Variants in PIEZO2 observed in about 807,000 individuals in gnomAD.
The protein encoded by PIEZO2 is piezo type mechanosensitive ion channel component 2, also known as piezo-type mechanosensitive ion channel component 2.
PIEZO2 carries 172 observed loss-of-function variants against 337.3 expected under a neutral mutation model. That is an observed-to-expected ratio of 0.51 (90% confidence interval 0.45 to 0.58). The LOEUF is 0.58. Ranked by LOEUF, PIEZO2 falls within the 20% of genes least tolerant of loss-of-function variation. The pLI, the probability that PIEZO2 is intolerant of heterozygous loss-of-function variation, is 0.00. For missense variants in PIEZO2, 3,028 were observed against 3,391.3 expected, an observed-to-expected ratio of 0.89 and a Z score of 2.66; for synonymous variants, 1,251 against 1,228.5, an observed-to-expected ratio of 1.02 and a Z score of -0.38.
At chr18:10,922,370 CAG>C (rs894470117) in intron 3 of PIEZO2, among the ~76,000 whole-genome samples, 1 of 151,828 alleles carries the variant, frequency 6.6e-6, no homozygotes, top group African/African-American at 2.4e-5. Context: ...TTTAAAAAAA[CAG>C]AAAAAACGGA....
At position 10,677,603 on chromosome 18, in the gene PIEZO2, A is replaced by C; in HGVS notation, c.8081+144T>G. On this transcript the variant is annotated intron_variant, in intron 53 of 55. Coordinates refer to ENST00000674853, the MANE Select transcript of PIEZO2 (RefSeq NM_001378183.1). This position sits in a 1 kb window ranked among gnomAD's most constrained non-coding sequence, Gnocchi z 4.1. ...TGAGATTAAGTTTCTTTAATCTTGC[A>C]AAATGGGGCCTCCAAATAGAAATTA... The C allele has an allele frequency of 2.0e-6, 2 of 1,007,442 alleles. No homozygotes were observed. Among genetic ancestry groups the C allele is most frequent in the Non-Finnish European group, 2.9e-6 (2 of 688,234 alleles). 62.4% of individuals were successfully genotyped at this position (1,007,442 alleles called of 1,614,324 possible).
intron 2 of PIEZO2, among the ~76,000 whole-genome samples, chr18:11,057,292 T>C (rs1337835990): frequency 6.6e-6 from 1 of 152,214 alleles, no homozygotes; most frequent in Non-Finnish European, 1.5e-5. Context: ...CAATCCTTTC[T>C]GTTTAATGTT....
intron 26 of PIEZO2, among the ~76,000 whole-genome samples, chr18:10,758,592 C>T (rs2143832688): frequency 6.6e-6 from 1 of 152,278 alleles, no homozygotes; most frequent in South Asian, 2.1e-4. Flanking sequence ...AATACAAGTG[C>T]CCGCCACCAT....
intron 3 of PIEZO2, among the ~76,000 whole-genome samples, chr18:10,966,837 C>A (rs555537855): frequency 6.6e-6 from 1 of 152,036 alleles, no homozygotes. Flanking sequence ...TTTCTCATAG[C>A]TTAGCTCCCA....
At chr18:11,024,501 G>C (rs533409795) in intron 2 of PIEZO2, among the ~76,000 whole-genome samples, 1 of 144,256 alleles carries the variant, frequency 6.9e-6, no homozygotes, top group African/African-American at 2.6e-5. Context: ...AGCCGAGATC[G>C]CGCCACTGCA....
intron 2 of PIEZO2, among the ~76,000 whole-genome samples, chr18:10,983,014 C>T (rs1283962041): frequency 6.6e-6 from 1 of 152,118 alleles, no homozygotes; most frequent in African/African-American, 2.4e-5. Context: ...AGCCACCGTG[C>T]CTGGCCAAAA....
intron 5 of PIEZO2, among the ~76,000 whole-genome samples, chr18:10,865,283 A>G (rs533417017): frequency 1.3e-5 from 2 of 152,194 alleles, no homozygotes; most frequent in Non-Finnish European, 2.9e-5. Context: ...GAAGTGGCAT[A>G]ATTTAATTTT....
chr18:10,733,707 CA>C (rs2036883144), intron 35 of PIEZO2, among the ~76,000 whole-genome samples: 1 of 152,182 alleles, frequency 6.6e-6, no homozygotes, highest in Non-Finnish European at 1.5e-5. Flanking sequence ...CTCGGCCTCC[CA>C]AAGTGCTGGG....
intron 1 of PIEZO2, among the ~76,000 whole-genome samples, chr18:11,113,996 G>A (rs986806756): frequency 1.3e-5 from 2 of 152,234 alleles, no homozygotes; most frequent in Admixed American, 6.5e-5. Flanking sequence ...CTATGACAAC[G>A]TTGTTGATGA....
chr18:10,856,308 G>A lies in PIEZO2; in HGVS notation c.703+693C>T, dbSNP rs1488332287. Reference sequence around the variant, plus strand: ...TGAAAGGACTCCTCATTAAAATGTTGTGGTTTATTTCTTGAGAAATTCTAC... The same window carrying A: ...TGAAAGGACTCCTCATTAAAATGTTATGGTTTATTTCTTGAGAAATTCTAC... On this transcript the variant is annotated intron_variant, in intron 6 of 55. Coordinates refer to ENST00000674853, the MANE Select transcript of PIEZO2 (RefSeq NM_001378183.1). The surrounding 1 kb of genome is among the most constrained non-coding windows in gnomAD (Gnocchi z 4.7). Among the ~76,000 whole-genome samples, 1 of 152,134 alleles carries A rather than the reference G, an allele frequency of 6.6e-6. No individual in the cohort carries two copies. Among genetic ancestry groups the A allele is most frequent in the African/African-American group, 2.4e-5 (1 of 41,434 alleles).
At chr18:10,917,963 T>G (rs991382016) in intron 3 of PIEZO2, among the ~76,000 whole-genome samples, 2 of 152,194 alleles carry the variant, frequency 1.3e-5, no homozygotes, top group African/African-American at 4.8e-5. Flanking sequence ...TTACCATGCA[T>G]TGAACACTGA....
At chr18:11,106,744 G>T (rs1356231295) in intron 1 of PIEZO2, among the ~76,000 whole-genome samples, 1 of 152,112 alleles carries the variant, frequency 6.6e-6, no homozygotes, top group African/African-American at 2.4e-5. Flanking sequence ...GGCATACAGT[G>T]AATGCCTTCA....
intron 2 of PIEZO2, among the ~76,000 whole-genome samples, chr18:11,064,955 G>T (rs1051766712): frequency 1.1e-4 from 16 of 152,166 alleles, no homozygotes; most frequent in African/African-American, 3.9e-4. Flanking sequence ...GCTGTGGTGG[G>T]TGGGGTCTCA....
chr18:10,695,993 T>G, intron 47 of PIEZO2, 81 bp downstream of exon 47: 1 of 1,338,716 alleles, frequency 7.5e-7, no homozygotes, highest in Non-Finnish European at 1.1e-6. Flanking sequence ...GCAGTTCTGC[T>G]GTGCAATGCA....
At chr18:11,085,575 T>C (rs537021089) in intron 1 of PIEZO2, among the ~76,000 whole-genome samples, 1 of 152,118 alleles carries the variant, frequency 6.6e-6, no homozygotes, top group East Asian at 1.9e-4. Flanking sequence ...ACACAGGTTT[T>C]AGTGTTTGAT....
chr18:11,107,087 C>A (rs1353546097), intron 1 of PIEZO2, among the ~76,000 whole-genome samples: 2 of 152,174 alleles, frequency 1.3e-5, no homozygotes, highest in African/African-American at 2.4e-5. Flanking sequence ...ACTTTTCACA[C>A]CCTTTTTAGC....
intron 9 of PIEZO2, 64 bp from the exon 10 acceptor site, chr18:10,801,492 A>T: frequency 7.1e-7 from 1 of 1,405,566 alleles, no homozygotes; most frequent in South Asian, 1.2e-5. Flanking sequence ...CTGTTTATGT[A>T]TCTATAAAGT....
At chr18:11,076,555 T>TC (rs1284938522) in intron 1 of PIEZO2, among the ~76,000 whole-genome samples, 1 of 91,128 alleles carries the variant, frequency 1.1e-5, no homozygotes, top group South Asian at 6.4e-4. Context: ...TCTTAGTTTG[T>TC]TTTTTTTTGG....
At chr18:10,728,229 G>A (rs1447165916) in intron 36 of PIEZO2, 1 of 152,586 alleles carries the variant, frequency 6.6e-6, no homozygotes, top group Admixed American at 6.5e-5. Context: ...CTGTGCGTGA[G>A]GCCAAAGGAA....
Sources: gnomAD v4.1 joint callset for allele counts (sites outside exome capture counted in the v4.1 genomes callset) on GRCh38, gnomAD v4.1.1 for gene constraint, Gnocchi (gnomAD v3.1) non-coding constraint, MANE v1.5 for transcripts, NCBI Gene and HGNC (gene_info 2026-07-23, HGNC 2026-07-21) for gene names.